Variants in MATN2 observed in about 807,000 individuals in gnomAD.
The protein encoded by MATN2 is matrilin 2, also known as matrilin-2.
Under a neutral mutation model 103.2 loss-of-function variants are expected in MATN2, and 69 were observed. The ratio of observed to expected loss-of-function variants is 0.67; its 90% CI spans 0.55 to 0.82. The LOEUF (loss-of-function observed/expected upper bound fraction) is 0.82, where lower values mean the gene tolerates loss of function less well. Ranked by LOEUF, MATN2 falls within the 40% of genes least tolerant of loss-of-function variation. The pLI, the probability that MATN2 is intolerant of heterozygous loss-of-function variation, is 0.00. For synonymous variants in MATN2, 429 were observed against 450.2 expected (o/e 0.95, Z 0.60); for missense variants, 1,023 against 1,211.5 (o/e 0.84, Z 2.31).
At chr8:97,880,040 G>A (rs1006594917) in intron 1 of MATN2, among the ~76,000 whole-genome samples, 10 of 151,522 alleles carry the variant, frequency 6.6e-5, no homozygotes, top group African/African-American at 2.4e-4. Context: ...CAAAACTATT[G>A]AGCCTGATGT....
intron 2 of MATN2, among the ~76,000 whole-genome samples, chr8:97,918,631 G>C (rs1055498939): frequency 6.6e-6 from 1 of 152,214 alleles, no homozygotes; most frequent in African/African-American, 2.4e-5. Context: ...GGCAGAGGGT[G>C]AAGTGGGGAG....
chr8:97,950,051 C>T (rs1810891287), intron 4 of MATN2, among the ~76,000 whole-genome samples: 1 of 152,020 alleles, frequency 6.6e-6, no homozygotes, highest in African/African-American at 2.4e-5. Flanking sequence ...CATCAGGAAA[C>T]TTGGGGGGGT....
At chr8:97,980,847 G>A (rs906659670) in intron 6 of MATN2, among the ~76,000 whole-genome samples, 5 of 150,960 alleles carry the variant, frequency 3.3e-5, no homozygotes, top group South Asian at 2.1e-4. Flanking sequence ...GGGAATACAG[G>A]CATGAGCCAC....
At chr8:97,897,519 T>A (rs907090586) in intron 2 of MATN2, among the ~76,000 whole-genome samples, 1 of 152,238 alleles carries the variant, frequency 6.6e-6, no homozygotes, top group Non-Finnish European at 1.5e-5. Context: ...AAGAACTAAG[T>A]AGCTGGCATG....
intron 4 of MATN2, among the ~76,000 whole-genome samples, chr8:97,956,739 C>T (rs1419540821): frequency 6.6e-6 from 1 of 152,152 alleles, no homozygotes; most frequent in Non-Finnish European, 1.5e-5. Flanking sequence ...TGCCTCCTAC[C>T]TCACTCTGAG....
chr8:98,033,008 G>A lies in MATN2; in HGVS notation c.2582-34G>A, dbSNP rs778290271. On this transcript the variant is annotated intron_variant, in intron 16 of 18. Coordinates refer to ENST00000254898, the MANE Select transcript of MATN2 (RefSeq NM_002380.5). ...GCTGTTTTATAACCAAAAGCGTTAA[G>A]CAGGTTTGATTGCAGTTTTCTTTCT... The A allele has an allele frequency of 2.1e-5, 33 of 1,587,740 alleles. No individual in the cohort carries two copies. In the African/African-American group the frequency reaches 4.1e-4, roughly 20 times the overall value.
intron 10 of MATN2, among the ~76,000 whole-genome samples, chr8:98,009,240 T>TC (rs1813077919): frequency 6.6e-6 from 1 of 152,186 alleles, no homozygotes; most frequent in African/African-American, 2.4e-5. Context: ...AATTGAAGAC[T>TC]TTCTGCCTGT....
intron 5 of MATN2, among the ~76,000 whole-genome samples, chr8:97,964,339 C>T (rs2130266509): frequency 6.6e-6 from 1 of 152,204 alleles, no homozygotes; most frequent in African/African-American, 2.4e-5. Context: ...CCATTAGTAG[C>T]TGATCTGGGG....
chr8:98,032,946 A>C, intron 16 of MATN2, 96 bp from the exon 17 acceptor site: 1 of 1,166,760 alleles, frequency 8.6e-7, no homozygotes, highest in Non-Finnish European at 1.2e-6. Context: ...GCTCTGTACC[A>C]AGTGCTAGGA....
Position 97,982,468 on chromosome 8 carries a change from G to A in MATN2, c.1081+3460G>A, listed in dbSNP as rs7835897. Among the ~76,000 whole-genome samples the A allele has an allele frequency of 0.18, 27,310 of 152,088 alleles. 4,866 individuals carry two copies. Among genetic ancestry groups the A allele is most frequent in the African/African-American group, 0.46 (19,153 of 41,446 alleles). ...TACTTCTTATACACTTGCAAAAAAT[G>A]AAAGAAACTCAGTTTCTCAAATTTC... On this transcript the variant is annotated intron_variant, in intron 6 of 18. Coordinates refer to ENST00000254898, the MANE Select transcript of MATN2 (RefSeq NM_002380.5). This position sits in a 1 kb window ranked among gnomAD's most constrained non-coding sequence, Gnocchi z 4.3.
intron 4 of MATN2, among the ~76,000 whole-genome samples, chr8:97,946,024 A>T (rs536744237): frequency 3.3e-5 from 5 of 152,272 alleles, no homozygotes; most frequent in African/African-American, 9.6e-5. Context: ...CTGCTATCTG[A>T]AGCCATATAC....
intron 4 of MATN2, among the ~76,000 whole-genome samples, chr8:97,955,914 C>T (rs569054888): frequency 7.2e-5 from 11 of 152,292 alleles, no homozygotes; most frequent in Non-Finnish European, 1.5e-4. Flanking sequence ...GACAGCTTTT[C>T]TGGTGTCCAT....
At chr8:97,946,536 C>G (rs1024433576) in intron 4 of MATN2, among the ~76,000 whole-genome samples, 1 of 152,108 alleles carries the variant, frequency 6.6e-6, no homozygotes, top group South Asian at 2.1e-4. Context: ...GAAGTGTGCC[C>G]GTCTTCACAT....
rs183639941 is a variant in MATN2, at chr8:97,991,962, G to A, written c.1082-2518G>A. Among the ~76,000 whole-genome samples the A allele has an allele frequency of 4.0e-4, 61 of 152,232 alleles. 2 individuals carry two copies. In the East Asian group the frequency reaches 9.5e-3, roughly 24 times the overall value. On this transcript the variant is annotated intron_variant, in intron 6 of 18. Transcript: ENST00000254898. ...AGGGAGACTAAGCAGATATGAAAAC[G>A]AGATACAATCTCTGACCCTAGACTA... is the stretch of plus-strand genomic sequence containing the variant.
intron 2 of MATN2, among the ~76,000 whole-genome samples, chr8:97,894,744 C>T (rs751178491): frequency 1.3e-5 from 2 of 152,110 alleles, no homozygotes; most frequent in African/African-American, 4.8e-5. Context: ...AATTGCAATA[C>T]GTTTCATATA....
intron 1 of MATN2, among the ~76,000 whole-genome samples, chr8:97,884,301 C>T (rs1400052177): frequency 6.6e-6 from 1 of 151,744 alleles, no homozygotes; most frequent in African/African-American, 2.4e-5. Flanking sequence ...CCACCATGCC[C>T]AGCTAATTTT....
At chr8:97,933,416 G>A (rs544728696) in intron 3 of MATN2, among the ~76,000 whole-genome samples, 1 of 152,268 alleles carries the variant, frequency 6.6e-6, no homozygotes, top group South Asian at 2.1e-4. Context: ...ATTTGTGTTG[G>A]AAAATTTTAA....
intron 7 of MATN2, among the ~76,000 whole-genome samples, chr8:98,003,135 ATTTGTGTTCACCGTCCCCTCATCCCCG>A (rs1195968999): frequency 4.0e-5 from 6 of 150,792 alleles, no homozygotes; most frequent in Non-Finnish European, 8.9e-5. Flanking sequence ...ATCCCCGGGC[ATTTGTGTTCACCGTCCCCTCATCCCCG>A]GGCATTTGTG....
At chr8:97,923,436 G>A (rs1482067911) in intron 2 of MATN2, among the ~76,000 whole-genome samples, 2 of 151,890 alleles carry the variant, frequency 1.3e-5, no homozygotes, top group African/African-American at 2.4e-5. Flanking sequence ...CATAATTGTT[G>A]GTGATTTCAA....
Sources: gnomAD v4.1 joint callset for allele counts (sites outside exome capture counted in the v4.1 genomes callset) on GRCh38, gnomAD v4.1.1 for gene constraint, Gnocchi (gnomAD v3.1) non-coding constraint, MANE v1.5 for transcripts, NCBI Gene and HGNC (gene_info 2026-07-23, HGNC 2026-07-21) for gene names.